The following MMP26 variants were observed in gnomAD, a reference collection of about 807,000 sequenced individuals.
MMP26 encodes the protein matrix metalloproteinase-26.
A neutral mutation model predicts 31.0 loss-of-function variants in MMP26; 33 were observed. The observed-to-expected ratio is 1.06, with a 90% confidence interval of 0.81 to 1.42. MMP26 has a LOEUF of 1.42. Among genes scored for constraint, MMP26 ranks in the 40% most tolerant of loss-of-function variants. MMP26 has a pLI of 0.00. For synonymous variants in MMP26, 122 were observed against 114.9 expected, an observed-to-expected ratio of 1.06 and a Z score of -0.40; for missense variants, 347 against 316.1, an observed-to-expected ratio of 1.10 and a Z score of -0.74.
chr11:4,951,225 C>T (rs1273958209), intron 2 of MMP26, among the ~76,000 whole-genome samples: 1 of 123,526 alleles, frequency 8.1e-6, no homozygotes, highest in African/African-American at 2.7e-5. Context: ...GATTTTAATG[C>T]CTTACCATAA....
At chr11:4,790,449 TCA>T (rs1403239269) in intron 2 of MMP26, among the ~76,000 whole-genome samples, 13 of 152,218 alleles carry the variant, frequency 8.5e-5, no homozygotes, top group African/African-American at 2.9e-4. Context: ...TTCTCCCATT[TCA>T]CTCTGGGATT....
intron 2 of MMP26, among the ~76,000 whole-genome samples, chr11:4,941,471 T>A (rs2133600809): frequency 6.6e-6 from 1 of 152,350 alleles, no homozygotes; most frequent in South Asian, 2.1e-4. Context: ...CAGTTGGTGA[T>A]AATGAATTGC....
chr11:4,838,315 TAAAAAAAAAAAAAAA>T (rs540572047), intron 2 of MMP26, among the ~76,000 whole-genome samples: 321 of 27,346 alleles, frequency 0.012, 2 homozygotes, highest in African/African-American at 0.023. Flanking sequence ...AGACTCTGTC[TAAAAAAAAAAAAAAA>T]AAAAAAAAAA....
At chr11:4,769,085 A>G (rs1564905031) in intron 2 of MMP26, 4 of 1,582,324 alleles carry the variant, frequency 2.5e-6, no homozygotes, top group Non-Finnish European at 3.4e-6. Flanking sequence ...TACATTAGCC[A>G]TCACTGAATG....
intron 1 of MMP26, among the ~76,000 whole-genome samples, chr11:4,714,605 C>T (rs1847901855): frequency 6.6e-6 from 1 of 152,228 alleles, no homozygotes; most frequent in East Asian, 1.9e-4. Context: ...ACCAGTTTCA[C>T]CTTAGTGGAA....
chr11:4,731,011 C>T (rs1848166552), intron 1 of MMP26, among the ~76,000 whole-genome samples: 1 of 152,114 alleles, frequency 6.6e-6, no homozygotes, highest in Non-Finnish European at 1.5e-5. Flanking sequence ...ATGGTGCGAT[C>T]TTGGTTCACT....
rs116941531 is a variant in MMP26, at chr11:4,970,033, C to T, written c.-144-18035C>T. ...ACTATTCAGAAGTAGAAAAATATTG[C>T]ATCTACATAACATGTTTACATGAAT... On this transcript the variant is annotated intron_variant, in intron 2 of 7. Transcript: ENST00000380390. 1.6e-3 allele frequency among the ~76,000 whole-genome samples: 250 copies of T among 152,140 alleles called. 4 individuals are homozygous for T. The East Asian group carries it at 0.03, about 18-fold the overall frequency.
chr11:4,936,551 G>A (rs190410969), intron 2 of MMP26, among the ~76,000 whole-genome samples: 3 of 152,198 alleles, frequency 2.0e-5, no homozygotes, highest in Admixed American at 2.0e-4. Context: ...GTCTTACTTA[G>A]ATAAAAGATT....
intron 2 of MMP26, chr11:4,875,406 A>T (rs1343669211): frequency 1.3e-5 from 2 of 152,130 alleles, no homozygotes; most frequent in African/African-American, 4.8e-5. Context: ...ATTTATTTTT[A>T]ACAGTTCTTT....
At position 4,786,493 on chromosome 11, in the gene MMP26, CTTTTTT is replaced by C. The variant is rs66987352; in HGVS notation, c.-145+19177_-145+19182del. ...TGCAAGGTAGTAAGATCTGCTGATC[CTTTTTT>C]TTTTTTTTTTTTTTTTTTTTTTTTA... On this transcript the variant is annotated intron_variant, in intron 2 of 7. Coordinates refer to ENST00000380390, the MANE Select transcript of MMP26 (RefSeq NM_021801.5). Among the ~76,000 whole-genome samples the C allele has an allele frequency of 2.0e-3, 118 of 60,352 alleles. 1 individual carries two copies. Among genetic ancestry groups the C allele is most frequent in the African/African-American group, 7.7e-3 (113 of 14,692 alleles). 39.6% of individuals were successfully genotyped at this position (60,352 alleles called of 152,430 possible).
chr11:4,822,408 T>C (rs373399679), intron 2 of MMP26: 2 of 1,434,630 alleles, frequency 1.4e-6, no homozygotes, highest in African/African-American at 1.4e-5. Flanking sequence ...AAGCCATTTA[T>C]GAATAAGTGC....
At chr11:4,821,549 G>A in intron 2 of MMP26, 1 of 1,612,520 alleles carries the variant, frequency 6.2e-7, no homozygotes, top group Non-Finnish European at 8.5e-7. Flanking sequence ...GCCGTCTCTG[G>A]AAATAGCATG....
At position 4,804,497 on chromosome 11, in the gene MMP26, G is replaced by A. The variant is rs920599031; in HGVS notation, c.-145+37156G>A. 6 of 825,378 alleles carry A rather than the reference G, an allele frequency of 7.3e-6. No individual in the cohort carries two copies. The Admixed American group carries it at 1.0e-4, about 14-fold the overall frequency. The allele number at this position is 825,378 out of a possible 1,614,324, so 51.1% of individuals were successfully genotyped here. A position where few individuals can be genotyped will look rare whatever the true frequency, so the allele number is the denominator to read the frequency against. On this transcript the variant is annotated intron_variant, in intron 2 of 7. Transcript: ENST00000380390. ...TTGGATGGGACTATTGGATACCAGG[G>A]TGATTGGGTTTGATTATAAACTAGA...
rs1337658053 is a variant in MMP26, at chr11:4,928,887, C to G, written c.-144-59181C>G. On this transcript the variant is annotated intron_variant, in intron 2 of 7. Coordinates refer to ENST00000380390, the MANE Select transcript of MMP26 (RefSeq NM_021801.5). ...TGGAATATTAAAGCTAAAAAGAGAGCAGGCAGGGCCCTCACTGATACAATG... is the reference window on the plus strand; with the variant it reads ...TGGAATATTAAAGCTAAAAAGAGAGGAGGCAGGGCCCTCACTGATACAATG... Among the ~76,000 whole-genome samples, 6 of 152,194 alleles carry G rather than the reference C, an allele frequency of 3.9e-5. No individual in the cohort carries two copies. In the East Asian group the frequency reaches 1.2e-3, roughly 29 times the overall value.
chr11:4,831,912 G>T (rs1313960593), intron 2 of MMP26, among the ~76,000 whole-genome samples: 3 of 152,162 alleles, frequency 2.0e-5, no homozygotes, highest in Middle Eastern at 3.4e-3. Context: ...TAACACACAG[G>T]TTTTAAATGA....
chr11:4,986,905 T>TTCTCTCTCTCTCTCTCTCTCTCTCTCTC (rs71050445), intron 2 of MMP26, among the ~76,000 whole-genome samples: 16 of 48,652 alleles, frequency 3.3e-4, no homozygotes, highest in East Asian at 1.4e-3. Context: ...CTTCCTTCCT[T>TTCTCTCTCTCTCTCTCTCTCTCTCTCTC]TCTCTCTCTC....
At chr11:4,843,608 C>T (rs1409063573) in intron 2 of MMP26, among the ~76,000 whole-genome samples, 1 of 152,234 alleles carries the variant, frequency 6.6e-6, no homozygotes, top group Admixed American at 6.5e-5. Context: ...CTCACAAAAC[C>T]ACTTCTCCCT....
chr11:4,838,482 C>G (rs1219868927), intron 2 of MMP26, among the ~76,000 whole-genome samples: 1 of 151,854 alleles, frequency 6.6e-6, no homozygotes, highest in Non-Finnish European at 1.5e-5. Context: ...AAGTAATAGC[C>G]TAAGTGTACA....
chr11:4,955,669 G>T (rs143598087), intron 2 of MMP26: 1 of 1,530,962 alleles, frequency 6.5e-7, no homozygotes, highest in Admixed American at 1.9e-5. Context: ...TCCCAACCAA[G>T]AAGAAGGTGG....
Sources: gnomAD v4.1 joint callset for allele counts (sites outside exome capture counted in the v4.1 genomes callset) on GRCh38, gnomAD v4.1.1 for gene constraint, MANE v1.5 for transcripts, NCBI Gene and HGNC (gene_info 2026-07-23, HGNC 2026-07-21) for gene names.